WDR49: variants seen among roughly 807,000 people sequenced by gnomAD.
The protein encoded by WDR49 is cilia- and flagella-associated protein 337.
A neutral mutation model predicts 119.5 loss-of-function variants in WDR49; 107 were observed. The ratio of observed to expected loss-of-function variants is 0.90; its 90% CI spans 0.77 to 1.05. The LOEUF (loss-of-function observed/expected upper bound fraction) is 1.05, where lower values mean the gene tolerates loss of function less well. Ranked by LOEUF, WDR49 falls within the 50% of genes least tolerant of loss-of-function variation. The pLI, the probability that WDR49 is intolerant of heterozygous loss-of-function variation, is 0.00. For synonymous variants in WDR49, 425 were observed against 418.8 expected (o/e 1.01, Z -0.18); for missense variants, 1,240 against 1,220.5 (o/e 1.02, Z -0.24).
intron 12 of WDR49, 80 bp downstream of exon 12, chr3:167,532,799 C>A: frequency 1.1e-6 from 1 of 901,386 alleles, no homozygotes; most frequent in South Asian, 1.7e-5. Context: ...AGGATCAAGT[C>A]GCATCAGGCA....
Position 167,620,552 on chromosome 3 carries a change from C to T in WDR49, c.835G>A (p.Ala279Thr). 1 of 1,535,538 alleles carries T rather than the reference C, an allele frequency of 6.5e-7. No homozygotes were observed. Among genetic ancestry groups the T allele is most frequent in the Non-Finnish European group, 8.7e-7 (1 of 1,146,522 alleles). Residue 279 changes from alanine to threonine, a missense_variant, in exon 5 of 19, where the codon GCT becomes ACT. Transcript: ENST00000682715. ...GCTTCTCCATCTTCACATGCACTAG[C>T]AGGCCGTTCAAACAGGGAAATCAAG... ...AALISLFERPASACEDGEATM... is the reference protein window; with the variant it reads ...AALISLFERPTSACEDGEATM...
intron 10 of WDR49, among the ~76,000 whole-genome samples, chr3:167,547,027 G>A (rs58146730): frequency 0.28 from 42,381 of 151,434 alleles, 6,089 homozygotes; most frequent in South Asian, 0.31. Flanking sequence ...AATATAAATT[G>A]TATGTAAGAA....
chr3:167,574,331 C>T (rs1307400904), intron 8 of WDR49, among the ~76,000 whole-genome samples: 1 of 152,200 alleles, frequency 6.6e-6, no homozygotes, highest in East Asian at 1.9e-4. Flanking sequence ...TAAGTTATCA[C>T]TGACTGATGG....
At chr3:167,654,250 T>G (rs1277629190), upstream of WDR49, among the ~76,000 whole-genome samples, 2 of 152,156 alleles carry the variant, frequency 1.3e-5, no homozygotes, top group African/African-American at 2.4e-5. Flanking sequence ...ATTTTATGTT[T>G]TATACACAGA....
At chr3:167,602,983 G>C (rs1260479593) in intron 6 of WDR49, among the ~76,000 whole-genome samples, 1 of 152,102 alleles carries the variant, frequency 6.6e-6, no homozygotes, top group African/African-American at 2.4e-5. Flanking sequence ...ATCTCTTTGT[G>C]TAAGTACACT....
intron 8 of WDR49, among the ~76,000 whole-genome samples, chr3:167,562,004 T>A (rs1938146717): frequency 6.6e-6 from 1 of 151,678 alleles, no homozygotes; most frequent in Non-Finnish European, 1.5e-5. Context: ...ACAAATATGG[T>A]GGGATATCAA....
chr3:167,643,856 G>A (rs966135072), intron 2 of WDR49, among the ~76,000 whole-genome samples: 9 of 151,912 alleles, frequency 5.9e-5, no homozygotes, highest in Non-Finnish European at 1.2e-4. Flanking sequence ...AGTTTGGGGA[G>A]GGGATCATAA....
intron 7 of WDR49, among the ~76,000 whole-genome samples, chr3:167,595,473 A>G (rs933299350): frequency 6.6e-6 from 1 of 152,216 alleles, no homozygotes; most frequent in Non-Finnish European, 1.5e-5. Flanking sequence ...AAACTATACT[A>G]CAAGGCTACA....
intron 18 of WDR49, among the ~76,000 whole-genome samples, chr3:167,498,645 T>A (rs899162471): frequency 1.2e-4 from 18 of 152,294 alleles, no homozygotes; most frequent in South Asian, 6.2e-4. Context: ...AGGTAGTCTC[T>A]TAGGTTAAAA....
Position 167,633,186 on chromosome 3 carries a change from T to C in WDR49, c.166-5894A>G, listed in dbSNP as rs1717452646. On this transcript the variant is annotated intron_variant, in intron 2 of 18. Coordinates refer to ENST00000682715, the MANE Select transcript of WDR49 (RefSeq NM_001366157.1). ...TCTACCAGGGTGGCTAGTTGCTAACTAGATAGTTCTTAGAGATTTCTTAGG... is the reference window on the plus strand; with the variant it reads ...TCTACCAGGGTGGCTAGTTGCTAACCAGATAGTTCTTAGAGATTTCTTAGG... 5.9e-5 allele frequency among the ~76,000 whole-genome samples: 9 copies of C among 151,744 alleles called. No individual in the cohort carries two copies. In the Admixed American group the frequency reaches 5.9e-4, roughly 10 times the overall value.
intron 7 of WDR49, among the ~76,000 whole-genome samples, chr3:167,578,040 G>T (rs1002496478): frequency 6.6e-6 from 1 of 152,120 alleles, no homozygotes; most frequent in African/African-American, 2.4e-5. Context: ...TTCAGCCAAA[G>T]AAATCTTCTT....
chr3:167,526,481 G>T (rs1453725651), intron 15 of WDR49, among the ~76,000 whole-genome samples: 2 of 152,086 alleles, frequency 1.3e-5, no homozygotes, highest in Non-Finnish European at 2.9e-5. Context: ...TTCTTCAGTG[G>T]CCTGAAGCAG....
intron 2 of WDR49, among the ~76,000 whole-genome samples, chr3:167,648,239 G>A (rs1718217292): frequency 6.6e-6 from 1 of 152,146 alleles, no homozygotes; most frequent in Non-Finnish European, 1.5e-5. Flanking sequence ...GCCAACATAA[G>A]TGCTTTATAA....
Position 167,634,896 on chromosome 3 carries a change from G to A in WDR49, c.166-7604C>T, listed in dbSNP as rs532766511. ...TTTATTTCTAGGCAGAAACAGAAAC[G>A]ACCAGTTATTATTTACAAAATAGTG... On this transcript the variant is annotated intron_variant, in intron 2 of 18. Transcript: ENST00000682715. 1.7e-4 allele frequency among the ~76,000 whole-genome samples: 26 copies of A among 151,730 alleles called. No homozygotes were observed. In the South Asian group the frequency reaches 3.7e-3, roughly 22 times the overall value.
chr3:167,560,143 C>A lies in WDR49; in HGVS notation c.1595G>T (p.Gly532Val), dbSNP rs536113562. 1.2e-6 allele frequency: 2 copies of A among 1,614,158 alleles called. No individual in the cohort carries two copies. The highest frequency in any genetic ancestry group is 4.5e-5 in the East Asian group (2 of 44,872). ...QKIKQFTGCH[G>V]NAEISTMALD... ...GGCCATAGTGCTGATTTCTGCGTTGCCGTGGCAACCAGTAAACTGTTTGAT... is the reference window on the plus strand; with the variant it reads ...GGCCATAGTGCTGATTTCTGCGTTGACGTGGCAACCAGTAAACTGTTTGAT... The change falls in exon 9 of 19, where the codon GGC (glycine) becomes GTC (valine). Residue 532 changes from glycine to valine, a missense_variant. Coordinates refer to ENST00000682715, the MANE Select transcript of WDR49 (RefSeq NM_001366157.1).
intron 2 of WDR49, among the ~76,000 whole-genome samples, chr3:167,633,962 A>T (rs939216273): frequency 6.6e-6 from 1 of 151,998 alleles, no homozygotes. Context: ...ATAGATAGGG[A>T]AATACTGGGA....
At chr3:167,650,196 C>T (rs1337338112) in intron 2 of WDR49, among the ~76,000 whole-genome samples, 1 of 152,192 alleles carries the variant, frequency 6.6e-6, no homozygotes, top group Non-Finnish European at 1.5e-5. Context: ...CTTCTCACCA[C>T]TCCTATAAAA....
In WDR49 at chr3:167,604,360, G is replaced by A. The variant is rs1715932944; in HGVS notation, c.1067C>T (p.Ser356Phe). Residue 356 changes from serine to phenylalanine, a missense_variant, in exon 6 of 19, where the codon TCC becomes TTC. Physicochemically the swap from Ser to Phe is radical, Grantham distance 155 (BLOSUM62 -2). Coordinates refer to ENST00000682715, the MANE Select transcript of WDR49 (RefSeq NM_001366157.1). ...ATGAATGCCCTGGGCAATGTTGAAGGATGTCATATTAAGACGCTTTTTTGA... is the reference window on the plus strand; with the variant it reads ...ATGAATGCCCTGGGCAATGTTGAAGAATGTCATATTAAGACGCTTTTTTGA... ...EKSKKRLNMT[S>F]FNIAQGIHAF... 2 of 1,613,678 alleles carry A rather than the reference G, an allele frequency of 1.2e-6. No homozygotes were observed. Among genetic ancestry groups the A allele is most frequent in the African/African-American group, 2.7e-5 (2 of 74,890 alleles).
intron 8 of WDR49, 39 bp from the exon 9 acceptor site, chr3:167,560,267 C>A: frequency 1.9e-6 from 3 of 1,572,804 alleles, no homozygotes; most frequent in Non-Finnish European, 2.6e-6. Context: ...TAAATATAGT[C>A]TCAGAATCAA....
Sources: gnomAD v4.1 joint callset for allele counts (sites outside exome capture counted in the v4.1 genomes callset) on GRCh38, gnomAD v4.1.1 for gene constraint, MANE v1.5 for transcripts, NCBI Gene and HGNC (gene_info 2026-07-23, HGNC 2026-07-21) for gene names.